The following MIB2 variants were observed in gnomAD, a reference collection of about 807,000 sequenced individuals.
MIB2 encodes the protein MIB E3 ubiquitin protein ligase 2.
MIB2 carries 78 observed loss-of-function variants against 96.6 expected under a neutral mutation model. The ratio of observed to expected loss-of-function variants is 0.81; its 90% CI spans 0.67 to 0.97. The LOEUF is 0.97. MIB2 is among the 50% of genes least tolerant of loss of function. MIB2 has a pLI of 0.00. For missense variants in MIB2, 1,543 were observed against 1,424.0 expected (o/e 1.08, Z -1.35); for synonymous variants, 820 against 629.5 (o/e 1.30, Z -4.53).
chr1:1,624,090 T>C, intron 4 of MIB2, 145 bp downstream of exon 4: 2 of 1,000,970 alleles, frequency 2.0e-6, no homozygotes, highest in Non-Finnish European at 2.8e-6. Flanking sequence ...TAAGCAGTGG[T>C]GCCATGGGCA....
At chr1:1,617,150 G>A (rs1228512632) in intron 2 of MIB2, 3 of 157,622 alleles carry the variant, frequency 1.9e-5, no homozygotes, top group Admixed American at 1.3e-4. Flanking sequence ...GGGGCACCTG[G>A]GATGTCCATC....
chr1:1,616,648 G>A (rs980831128), intron 2 of MIB2, 34 bp downstream of exon 2: 15 of 1,523,078 alleles, frequency 9.8e-6, no homozygotes, highest in African/African-American at 1.4e-5. Flanking sequence ...CTGATAGTTT[G>A]CACTTGGCTC....
At chr1:1,615,380 G>C (rs1331346482), upstream of MIB2, 4 of 1,428,726 alleles carry the variant, frequency 2.8e-6, no homozygotes, top group African/African-American at 1.5e-5. Context: ...GCTGCGCCAC[G>C]CAGGGTAGGC....
Position 1,623,955 on chromosome 1 carries a change from G to A in MIB2, c.419+10G>A, listed in dbSNP as rs764186005. ...CCGCTCACTCGCGCCCGTGAGTCCC[G>A]GGCCGCACCGGCTCCTGTGCGGCGG... On this transcript the variant is annotated intron_variant, in intron 4 of 19. Transcript: ENST00000355826. 3.1e-5 allele frequency: 49 copies of A among 1,596,492 alleles called. No homozygotes were observed. The highest frequency in any genetic ancestry group is 7.8e-5 in the South Asian group (7 of 90,006).
upstream of MIB2, chr1:1,614,401 T>G (rs1191848385): frequency 6.6e-6 from 1 of 152,234 alleles, no homozygotes; most frequent in Non-Finnish European, 1.5e-5. Flanking sequence ...GGTAAGGCTC[T>G]CTCCAACAAC....
rs1479069002 is a variant in MIB2, at chr1:1,625,743, G to A, written c.972+90G>A. 9.1e-7 allele frequency: 1 copy of A among 1,099,084 alleles called. No homozygotes were observed. Among genetic ancestry groups the A allele is most frequent in the Non-Finnish European group, 1.3e-6 (1 of 752,986 alleles). The allele number at this position is 1,099,084 out of a possible 1,614,324, so 68.1% of individuals were successfully genotyped here. A position where few individuals can be genotyped will look rare whatever the true frequency, so the allele number is the denominator to read the frequency against. On this transcript the variant is annotated intron_variant, in intron 8 of 19. Coordinates refer to ENST00000355826, the MANE Select transcript of MIB2 (RefSeq NM_001170687.4). This position sits in a 1 kb window ranked among gnomAD's most constrained non-coding sequence, Gnocchi z 5.0. ...GGCCTTGGGGGGTCAGGCAGGACTAGGGTGCCAGCTGCACCCACGAGTCCC... is the reference window on the plus strand; with the variant it reads ...GGCCTTGGGGGGTCAGGCAGGACTAAGGTGCCAGCTGCACCCACGAGTCCC...
At position 1,624,840 on chromosome 1, in the gene MIB2, G is replaced by A. The variant is rs756801980; in HGVS notation, c.465G>A (p.Arg155=). ...AGGGCCTCCCGAGGATCCCACTAAG[G>A]GGCATCTTCCAGGGAGCGAAGGTGG... ...PRQGLPRIPL[R]GIFQGAKVVR... is the part of the protein sequence containing the mutation. The change falls in exon 5 of 20, where the codon AGG becomes AGA. Residue 155 remains arginine, a synonymous_variant. Coordinates refer to ENST00000355826, the MANE Select transcript of MIB2 (RefSeq NM_001170687.4). 1.9e-6 allele frequency: 3 copies of A among 1,613,048 alleles called. No individual in the cohort carries two copies. Among genetic ancestry groups the A allele is most frequent in the African/African-American group, 1.3e-5 (1 of 74,948 alleles).
Position 1,623,865 on chromosome 1 carries a change from C to T in MIB2, c.339C>T (p.Asp113=), listed in dbSNP as rs1394832679. The change falls in exon 4 of 20, where the codon GAC becomes GAT. Residue 113 remains aspartate (D), a synonymous_variant. Coordinates refer to ENST00000355826, the MANE Select transcript of MIB2 (RefSeq NM_001170687.4). ...RWKCRVCLDY[D]LCTQCYMHNK... ...AGTGCCGTGTGTGCCTGGACTACGA[C>T]CTCTGCACGCAGTGCTACATGCACA... 3 of 1,611,904 alleles carry T rather than the reference C, an allele frequency of 1.9e-6. No individual in the cohort carries two copies. The highest frequency in any genetic ancestry group is 2.5e-6 in the Non-Finnish European group (3 of 1,179,532).
intron 2 of MIB2, among the ~76,000 whole-genome samples, chr1:1,622,910 T>G (rs1340993194): frequency 6.6e-6 from 1 of 152,080 alleles, no homozygotes; most frequent in Non-Finnish European, 1.5e-5. Context: ...GTGTTTGCCG[T>G]TTTTCTGTTG....
chr1:1,627,959 C>A lies in MIB2; in HGVS notation c.1681-60C>A, dbSNP rs1644969162. The A allele has an allele frequency of 1.9e-6, 3 of 1,607,268 alleles. No homozygotes were observed. In the East Asian group the frequency reaches 6.7e-5, roughly 36 times the overall value. ...GCCCGTGAGTGCTGCTCCCTGGGTGCCCTGGCTCTTGACCCAAGCAGAAGT... is the reference window on the plus strand; with the variant it reads ...GCCCGTGAGTGCTGCTCCCTGGGTGACCTGGCTCTTGACCCAAGCAGAAGT... On this transcript the variant is annotated intron_variant, in intron 13 of 19. Transcript: ENST00000355826.
Position 1,630,362 on chromosome 1 carries a change from C to G in MIB2, c.2700C>G (p.Ser900Arg). 1 of 1,543,994 alleles carries G rather than the reference C, an allele frequency of 6.5e-7. No individual in the cohort carries two copies. Among genetic ancestry groups the G allele is most frequent in the Non-Finnish European group, 8.7e-7 (1 of 1,145,998 alleles). The change falls in exon 20 of 20, where the codon AGC (serine) becomes AGG (arginine). Residue 900 changes from serine (S) to arginine (R), a missense_variant. Physicochemically the swap from Ser to Arg is moderately radical, Grantham distance 110. Coordinates refer to ENST00000355826, the MANE Select transcript of MIB2 (RefSeq NM_001170687.4). ...GCCAGCTGGTGGAGGAGCTGCAGAGCCGCTACCGGCAGATGGAGGAACGCA... is the reference window on the plus strand; with the variant it reads ...GCCAGCTGGTGGAGGAGCTGCAGAGGCGCTACCGGCAGATGGAGGAACGCA... ...PPRQLVEELQ[S>R]RYRQMEERIT...
intron 1 of MIB2, chr1:1,616,027 G>A (rs1643606529): frequency 3.0e-6 from 3 of 984,504 alleles, no homozygotes; most frequent in Non-Finnish European, 3.6e-6. Context: ...ACCGACAGAC[G>A]GACTGGCCGG....
In MIB2 at chr1:1,625,115, C is replaced by T. The variant is rs769932694; in HGVS notation, c.651C>T (p.Gly217=). The T allele has an allele frequency of 2.6e-5, 42 of 1,613,290 alleles. No individual in the cohort carries two copies. Among genetic ancestry groups the T allele is most frequent in the Non-Finnish European group, 3.5e-5 (41 of 1,179,972 alleles). Reference sequence around the variant, plus strand: ...ATGTGTACCGTGTGGGCCACAAGGGCAAGGTGGACCTCAAGTGTGTGGGCG... The same window carrying T: ...ATGTGTACCGTGTGGGCCACAAGGGTAAGGTGGACCTCAAGTGTGTGGGCG... ...TTNVYRVGHK[G]KVDLKCVGEA... Residue 217 remains glycine (G), a synonymous_variant, in exon 6 of 20, where the codon GGC becomes GGT. Transcript: ENST00000355826. The surrounding 1 kb of genome is among the most constrained non-coding windows in gnomAD (Gnocchi z 5.0).
At chr1:1,623,337 C>A in intron 2 of MIB2, 94 bp from the exon 3 acceptor site, 1 of 1,520,220 alleles carries the variant, frequency 6.6e-7, no homozygotes, top group Admixed American at 2.1e-5. Flanking sequence ...CCGCGGAGCC[C>A]ACTCTGACCG....
chr1:1,630,168 C>A, intron 19 of MIB2, 124 bp from the exon 20 acceptor site: 2 of 340,076 alleles, frequency 5.9e-6, no homozygotes, highest in South Asian at 3.3e-5. Context: ...CCCCGCCAGC[C>A]CCCCTTGCAG....
In MIB2 at chr1:1,629,271, C is replaced by T. The variant is rs368865474; in HGVS notation, c.2341C>T (p.Arg781Cys). ...RSPLDLAAEG[R>C]VLKALQGCAQ... ...CCCGCTGGACCTGGCCGCCGAGGGTCGCGTGCTCAAGGCCCTTCAGGGCTG... is the reference window on the plus strand; with the variant it reads ...CCCGCTGGACCTGGCCGCCGAGGGTTGCGTGCTCAAGGCCCTTCAGGGCTG... The change falls in exon 17 of 20, where the codon CGC (arginine) becomes TGC (cysteine). Residue 781 changes from arginine (R) to cysteine (C), a missense_variant. Coordinates refer to ENST00000355826, the MANE Select transcript of MIB2 (RefSeq NM_001170687.4). The T allele has an allele frequency of 1.3e-6, 2 of 1,544,806 alleles. No individual in the cohort carries two copies. Among genetic ancestry groups the T allele is most frequent in the East Asian group, 2.6e-5 (1 of 38,970 alleles).
At chr1:1,615,760 G>C (rs1643561570) in intron 1 of MIB2, 127 bp downstream of exon 1, 3 of 1,438,426 alleles carry the variant, frequency 2.1e-6, no homozygotes, top group South Asian at 1.4e-5. Context: ...GGCTGGACTC[G>C]GCGTAGGGTC....
Position 1,629,839 on chromosome 1 carries a change from C to T in MIB2, c.2629+135C>T, listed in dbSNP as rs1638412866. On this transcript the variant is annotated intron_variant, in intron 19 of 19. Transcript: ENST00000355826. ...TTACACCCCGCCCTCCCAAGGCTCACACCCGGCCCCCCAGCCCCCAGCCCC... is the reference window on the plus strand; with the variant it reads ...TTACACCCCGCCCTCCCAAGGCTCATACCCGGCCCCCCAGCCCCCAGCCCC... The T allele has an allele frequency of 4.0e-6, 4 of 1,006,746 alleles. No homozygotes were observed. The East Asian group carries it at 1.2e-4, about 31-fold the overall frequency. 62.4% of individuals were successfully genotyped at this position (1,006,746 alleles called of 1,614,324 possible).
At position 1,623,596 on chromosome 1, in the gene MIB2, C is replaced by T. The variant is rs766139606; in HGVS notation, c.144C>T (p.Pro48=). 14 of 1,507,362 alleles carry T rather than the reference C, an allele frequency of 9.3e-6. No homozygotes were observed. The highest frequency in any genetic ancestry group is 2.2e-5 in the Admixed American group (1 of 46,080). The allele number at this position is 1,507,362 out of a possible 1,614,324, so 93.4% of individuals were successfully genotyped here. Residue 48 remains proline, a synonymous_variant, in exon 3 of 20, where the codon CCC becomes CCT. Coordinates refer to ENST00000355826, the MANE Select transcript of MIB2 (RefSeq NM_001170687.4). ...GCCGCCACGGCAGCCCCTCGACACC[C>T]GACCGCACAGTGGTCGTGCAGTGGG... ...ELGRHGSPST[P]DRTVVVQWDQ... is the part of the protein sequence containing the mutation.
Sources: allele counts gnomAD v4.1 joint callset (sites outside exome capture counted in the v4.1 genomes callset), GRCh38; gene constraint gnomAD v4.1.1; non-coding constraint Gnocchi (gnomAD v3.1); transcripts MANE v1.5; gene names NCBI Gene and HGNC (gene_info 2026-07-23, HGNC 2026-07-21).